The following MTHFD2L variants were observed in gnomAD, a reference collection of about 807,000 sequenced individuals.
MTHFD2L encodes the protein bifunctional methylenetetrahydrofolate dehydrogenase/cyclohydrolase 2, mitochondrial.
In MTHFD2L, 29 loss-of-function variants were observed where a neutral mutation model predicts 34.9. The observed-to-expected ratio is 0.83, with a 90% CI of 0.62 to 1.13. The LOEUF (loss-of-function observed/expected upper bound fraction) is 1.13. Among genes scored for constraint, MTHFD2L ranks in the 50% most tolerant of loss-of-function variants. The pLI is 0.00. For synonymous variants in MTHFD2L, 167 were observed against 155.7 expected, an observed-to-expected ratio of 1.07 and a Z score of -0.54; for missense variants, 481 against 446.5, an observed-to-expected ratio of 1.08 and a Z score of -0.70.
At chr4:74,186,004 A>G (rs1285810009) in intron 3 of MTHFD2L, among the ~76,000 whole-genome samples, 1 of 152,172 alleles carries the variant, frequency 6.6e-6, no homozygotes, top group African/African-American at 2.4e-5. Flanking sequence ...AACAAATCAA[A>G]TCCAACAATT....
chr4:74,145,243 T>A (rs889095514), intron 1 of MTHFD2L, among the ~76,000 whole-genome samples: 1 of 151,854 alleles, frequency 6.6e-6, no homozygotes, highest in African/African-American at 2.4e-5. Flanking sequence ...GAAAATATTT[T>A]AAAAAGGCAA....
intron 1 of MTHFD2L, among the ~76,000 whole-genome samples, chr4:74,162,974 A>T (rs1267514694): frequency 6.6e-6 from 1 of 152,192 alleles, no homozygotes; most frequent in Non-Finnish European, 1.5e-5. Context: ...ATTTTGTTAG[A>T]TTCCCTCAGT....
rs527274240 is a variant in MTHFD2L, at chr4:74,181,701, C to G, written c.451+6298C>G. On this transcript the variant is annotated intron_variant, in intron 3 of 7. Coordinates refer to ENST00000325278, the MANE Select transcript of MTHFD2L (RefSeq NM_001144978.3). Reference sequence around the variant, plus strand: ...TTCTCTTCAGTTGTCTAGTTTGAAGCCTTTGAGGATTAGCACCTTCCAGTT... The same window carrying G: ...TTCTCTTCAGTTGTCTAGTTTGAAGGCTTTGAGGATTAGCACCTTCCAGTT... The G allele has an allele frequency of 2.6e-5, 4 of 152,176 alleles. No individual in the cohort carries two copies. The East Asian group carries it at 5.8e-4, about 22-fold the overall frequency. 9.4% of individuals were successfully genotyped at this position (152,176 alleles called of 1,614,324 possible).
intron 5 of MTHFD2L, among the ~76,000 whole-genome samples, chr4:74,207,615 T>G (rs1214974156): frequency 6.6e-6 from 1 of 152,132 alleles, no homozygotes; most frequent in Non-Finnish European, 1.5e-5. Context: ...TGGCATTCAG[T>G]TTTCACACTC....
chr4:74,199,811 A>G lies in MTHFD2L; in HGVS notation c.469A>G (p.Thr157Ala). The G allele has an allele frequency of 6.2e-7, 1 of 1,612,090 alleles. No homozygotes were observed. The highest frequency in any genetic ancestry group is 1.7e-4 in the Middle Eastern group (1 of 6,052). Reference sequence around the variant, plus strand: ...TTTTTCAGACCACGTTGATGAGCGAACAATATGCAATGGAATTGCCCCAGA... The same window carrying G: ...TTTTTCAGACCACGTTGATGAGCGAGCAATATGCAATGGAATTGCCCCAGA... ...LPLPDHVDER[T>A]ICNGIAPEKD... Residue 157 changes from threonine to alanine, a missense_variant, in exon 4 of 8, where the codon ACA becomes GCA. Transcript: ENST00000325278.
Position 74,296,099 on chromosome 4 carries a change from C to T in MTHFD2L, c.932-5598C>T, listed in dbSNP as rs140559173. ...TGTCTTGCTCAAGGAATAATTGTTACGAATCTATCTGGTCCAGTTTATGGC... is the reference window on the plus strand; with the variant it reads ...TGTCTTGCTCAAGGAATAATTGTTATGAATCTATCTGGTCCAGTTTATGGC... On this transcript the variant is annotated intron_variant, in intron 7 of 7. Coordinates refer to ENST00000325278, the MANE Select transcript of MTHFD2L (RefSeq NM_001144978.3). Among the ~76,000 whole-genome samples the T allele has an allele frequency of 1.1e-4, 17 of 152,194 alleles. No homozygotes were observed. In the East Asian group the frequency reaches 2.5e-3, roughly 22 times the overall value.
upstream of MTHFD2L, chr4:74,157,942 G>T (rs1325772097): frequency 2.3e-6 from 2 of 863,868 alleles, no homozygotes; most frequent in South Asian, 2.9e-5. Context: ...CGCCCCCTGC[G>T]GACCCGGCAC....
chr4:74,218,783 T>A (rs763749073), intron 5 of MTHFD2L, among the ~76,000 whole-genome samples: 3 of 152,100 alleles, frequency 2.0e-5, no homozygotes, highest in African/African-American at 7.2e-5. Context: ...TGGGTCCTAG[T>A]TGATAATTCT....
At chr4:74,191,187 A>G (rs1037170016) in intron 3 of MTHFD2L, among the ~76,000 whole-genome samples, 2 of 152,078 alleles carry the variant, frequency 1.3e-5, no homozygotes, top group Non-Finnish European at 2.9e-5. Flanking sequence ...AGCTTCCTGA[A>G]GTGTTGACGT....
At chr4:74,148,248 A>C (rs1578257079) in intron 1 of MTHFD2L, among the ~76,000 whole-genome samples, 1 of 152,154 alleles carries the variant, frequency 6.6e-6, no homozygotes, top group South Asian at 2.1e-4. Flanking sequence ...CTTTCTGATA[A>C]GTTTGAAATC....
intron 5 of MTHFD2L, among the ~76,000 whole-genome samples, chr4:74,215,311 AG>A (rs754968956): frequency 2.6e-5 from 4 of 151,814 alleles, no homozygotes; most frequent in Admixed American, 6.5e-5. Context: ...CTTGAAACCC[AG>A]GGCCCTAGTG....
rs78865560 is a variant in MTHFD2L, at chr4:74,160,188, T to A, written c.143+1907T>A. Reference sequence around the variant, plus strand: ...TCTAGTTCTTCATAGTTAATGTGGTTTAAGTCTGACATCTTTTCTTTTGCC... The same window carrying A: ...TCTAGTTCTTCATAGTTAATGTGGTATAAGTCTGACATCTTTTCTTTTGCC... On this transcript the variant is annotated intron_variant, in intron 1 of 7. Transcript: ENST00000325278. The A allele has an allele frequency of 2.6e-5, 24 of 922,772 alleles. No homozygotes were observed. The African/African-American group carries it at 4.0e-4, about 15-fold the overall frequency. The allele number at this position is 922,772 out of a possible 1,614,324, so 57.2% of individuals were successfully genotyped here.
intron 6 of MTHFD2L, among the ~76,000 whole-genome samples, chr4:74,244,571 T>C (rs1742154443): frequency 6.6e-6 from 1 of 152,220 alleles, no homozygotes; most frequent in African/African-American, 2.4e-5. Flanking sequence ...TTTTATATTG[T>C]ATAATGATAT....
At chr4:74,137,467 C>CA (rs1723012340) in intron 1 of MTHFD2L, among the ~76,000 whole-genome samples, 1 of 152,064 alleles carries the variant, frequency 6.6e-6, no homozygotes, top group Non-Finnish European at 1.5e-5. Flanking sequence ...TAGATAATAA[C>CA]AGATGCCGGC....
chr4:74,291,459 G>A (rs1748949511), intron 7 of MTHFD2L, among the ~76,000 whole-genome samples: 1 of 152,074 alleles, frequency 6.6e-6, no homozygotes, highest in Non-Finnish European at 1.5e-5. Context: ...AACTTAATGG[G>A]AACAAAAGCT....
At chr4:74,126,111 A>G (rs1202490845) in intron 1 of MTHFD2L, among the ~76,000 whole-genome samples, 1 of 152,186 alleles carries the variant, frequency 6.6e-6, no homozygotes, top group Non-Finnish European at 1.5e-5. Context: ...TTAACTAATG[A>G]CCCACTAAAG....
At chr4:74,251,084 T>C (rs2110198957) in intron 6 of MTHFD2L, among the ~76,000 whole-genome samples, 1 of 152,298 alleles carries the variant, frequency 6.6e-6, no homozygotes, top group South Asian at 2.1e-4. Context: ...TAGAGTCCAA[T>C]CTGAGTGATG....
At chr4:74,292,295 A>G (rs1478146770) in intron 7 of MTHFD2L, among the ~76,000 whole-genome samples, 1 of 152,230 alleles carries the variant, frequency 6.6e-6, no homozygotes, top group African/African-American at 2.4e-5. Flanking sequence ...GCAGAGTTAA[A>G]GTTGAAACAA....
chr4:74,188,198 C>T (rs1243729553), intron 3 of MTHFD2L, among the ~76,000 whole-genome samples: 1 of 152,160 alleles, frequency 6.6e-6, no homozygotes, highest in South Asian at 2.1e-4. Flanking sequence ...TATTAGTCTG[C>T]TTCATCTATC....
Sources: allele counts gnomAD v4.1 joint callset (sites outside exome capture counted in the v4.1 genomes callset), GRCh38; gene constraint gnomAD v4.1.1; transcripts MANE v1.5; gene names NCBI Gene and HGNC (gene_info 2026-07-23, HGNC 2026-07-21).